Variants in ZNF212 observed in about 807,000 individuals in gnomAD.
ZNF212 encodes zinc finger protein 212, also known as Zinc finger protein C2H2-150.
ZNF212 carries 32 observed loss-of-function variants against 47.3 expected under a neutral mutation model. The ratio of observed to expected loss-of-function variants is 0.68; its 90% CI spans 0.51 to 0.91. ZNF212 has a LOEUF of 0.91. Among genes scored for constraint, ZNF212 ranks in the 40% least tolerant of loss-of-function variants. The pLI is 0.00. For missense variants in ZNF212, 555 were observed against 622.8 expected (o/e 0.89, Z 1.16); for synonymous variants, 242 against 253.8 (o/e 0.95, Z 0.44).
intron 1 of ZNF212, among the ~76,000 whole-genome samples, chr7:149,249,368 G>A (rs549445293): frequency 5.2e-4 from 79 of 152,176 alleles, no homozygotes; most frequent in African/African-American, 1.5e-3. Flanking sequence ...GTTTTCAAAC[G>A]GGTGACATGA....
In ZNF212 at chr7:149,254,007, A is replaced by C; in HGVS notation, c.1080A>C (p.Lys360Asn). 6.2e-7 allele frequency: 1 copy of C among 1,613,476 alleles called. No individual in the cohort carries two copies. The highest frequency in any genetic ancestry group is 8.5e-7 in the Non-Finnish European group (1 of 1,179,602). ...GCCTTAGGCCCAGGCCACGGCTGAA[A>C]CCACAGACCAAAAAGGCCAAGCTGC... is the stretch of plus-strand genomic sequence containing the variant. ...EESLRPRPRL[K>N]PQTKKAKLHQ... Residue 360 changes from lysine to asparagine, a missense_variant, in exon 5 of 5, where the codon AAA (lysine) becomes AAC (asparagine). Lys to Asn is a moderately conservative substitution (Grantham distance 94). Transcript: ENST00000335870. The surrounding 1 kb of genome is among the most constrained non-coding windows in gnomAD (Gnocchi z 4.5).
Position 149,253,968 on chromosome 7 carries a change from G to A in ZNF212, c.1041G>A (p.Glu347=). The A allele has an allele frequency of 1.2e-6, 2 of 1,614,006 alleles. No homozygotes were observed. Among genetic ancestry groups the A allele is most frequent in the Non-Finnish European group, 1.7e-6 (2 of 1,179,972 alleles). Reference sequence around the variant, plus strand: ...CTGGGTGGGGGTCTTGTACACCTGAGGAGCCAGAGGAGAGCCTTAGGCCCA... The same window carrying A: ...CTGGGTGGGGGTCTTGTACACCTGAAGAGCCAGAGGAGAGCCTTAGGCCCA... The part of the protein sequence containing the change: ...SHSGWGSCTP[E]EPEESLRPRP... The change falls in exon 5 of 5, where the codon GAG becomes GAA. Residue 347 remains glutamate, a synonymous_variant. Transcript: ENST00000335870.
chr7:149,251,436 G>T (rs1331206068), intron 3 of ZNF212: 1 of 148,654 alleles, frequency 6.7e-6, no homozygotes, highest in Non-Finnish European at 1.5e-5. Context: ...GCCCACCTCA[G>T]CCCCCCAAAG....
Position 149,239,713 on chromosome 7 carries a change from G to T in ZNF212, c.-66G>T. On this transcript the variant is annotated 5_prime_UTR_variant, in exon 1 of 5. Transcript: ENST00000335870. ...GGCTTCCAACAGGCTCTGGGGCGCC[G>T]AGCGGACAGGAACGCAGCACGGGGG... 2 of 1,282,120 alleles carry T rather than the reference G, an allele frequency of 1.6e-6. No homozygotes were observed. The highest frequency in any genetic ancestry group is 2.0e-6 in the Non-Finnish European group (2 of 1,009,396). 79.4% of individuals were successfully genotyped at this position (1,282,120 alleles called of 1,614,324 possible).
chr7:149,239,797 G>C lies in ZNF212; in HGVS notation c.19G>C (p.Ala7Pro). The C allele has an allele frequency of 7.8e-7, 1 of 1,274,336 alleles. No homozygotes were observed. The highest frequency in any genetic ancestry group is 1.0e-6 in the Non-Finnish European group (1 of 1,002,496). 78.9% of individuals were successfully genotyped at this position (1,274,336 alleles called of 1,614,324 possible). ...TGGAGCCATGGCGGAGTCGGCGCCTGCTCGGGTAAAGAGGCACCGGCGCGC... is the reference window on the plus strand; with the variant it reads ...TGGAGCCATGGCGGAGTCGGCGCCTCCTCGGGTAAAGAGGCACCGGCGCGC... Reference protein sequence around the residue: MAESAPARHRRKRRSTP... With the variant: MAESAPPRHRRKRRSTP... Residue 7 changes from alanine (A) to proline (P), a missense_variant, in exon 1 of 5, where the codon GCT becomes CCT. Ala to Pro is a conservative substitution (Grantham distance 27). Transcript: ENST00000335870.
chr7:149,250,219 G>A lies in ZNF212; in HGVS notation c.85G>A (p.Glu29Lys). 1.3e-6 allele frequency: 2 copies of A among 1,583,736 alleles called. No individual in the cohort carries two copies. The highest frequency in any genetic ancestry group is 1.7e-6 in the Non-Finnish European group (2 of 1,165,002). The stretch of plus-strand genomic sequence containing the variant: ...TTCCACACTTCCTTCACAAGCAACA[G>A]AGAAAAGCTCCTATTTTCAGACCAC... ...TSSTLPSQAT[E>K]KSSYFQTTEI... The change falls in exon 2 of 5, where the codon GAG (glutamate) becomes AAG (lysine). Residue 29 changes from glutamate to lysine, a missense_variant. By Grantham distance (56) the Glu-to-Lys change is moderately conservative. Coordinates refer to ENST00000335870, the MANE Select transcript of ZNF212 (RefSeq NM_012256.4).
In ZNF212 at chr7:149,254,062, A is replaced by G; in HGVS notation, c.1135A>G (p.Ser379Gly). Residue 379 changes from serine to glycine, a missense_variant, in exon 5 of 5, where the codon AGC becomes GGC. Physicochemically the swap from Ser to Gly is moderately conservative, Grantham distance 56. Transcript: ENST00000335870. The surrounding 1 kb of genome is among the most constrained non-coding windows in gnomAD (Gnocchi z 4.5). ...HQCDVCLRSFSCKVSLVTHQR... is the reference protein window; with the variant it reads ...HQCDVCLRSFGCKVSLVTHQR... ...GTGTGATGTGTGCCTGAGGAGCTTCAGCTGCAAGGTGAGCCTGGTGACCCA... is the reference window on the plus strand; with the variant it reads ...GTGTGATGTGTGCCTGAGGAGCTTCGGCTGCAAGGTGAGCCTGGTGACCCA... The G allele has an allele frequency of 6.2e-7, 1 of 1,612,680 alleles. No individual in the cohort carries two copies. The highest frequency in any genetic ancestry group is 2.2e-5 in the East Asian group (1 of 44,846).
intron 1 of ZNF212, among the ~76,000 whole-genome samples, chr7:149,240,823 G>A (rs1284222679): frequency 6.6e-6 from 1 of 152,332 alleles, no homozygotes; most frequent in Admixed American, 6.5e-5. Context: ...ATTTGACCAT[G>A]AGCAGGGTGC....
chr7:149,245,012 G>C (rs967193123), intron 1 of ZNF212, among the ~76,000 whole-genome samples: 1 of 152,166 alleles, frequency 6.6e-6, no homozygotes, highest in Non-Finnish European at 1.5e-5. Context: ...GGTTGGAATA[G>C]ATACCTAGGG....
intron 1 of ZNF212, among the ~76,000 whole-genome samples, chr7:149,241,108 C>T (rs1389682981): frequency 6.6e-6 from 1 of 152,142 alleles, no homozygotes; most frequent in African/African-American, 2.4e-5. Flanking sequence ...ACCTACATGT[C>T]GTCAGTAGAC....
intron 1 of ZNF212, among the ~76,000 whole-genome samples, chr7:149,242,021 C>CTTTTTTTTTTT (rs34883587): frequency 5.8e-5 from 7 of 121,344 alleles, no homozygotes; most frequent in Non-Finnish European, 1.0e-4. Context: ...CTTTTCTTTT[C>CTTTTTTTTTTT]TTTTTTTTTT....
Position 149,250,242 on chromosome 7 carries a change from C to A in ZNF212, c.108C>A (p.Thr36=). 2.5e-6 allele frequency: 4 copies of A among 1,604,022 alleles called. No individual in the cohort carries two copies. The highest frequency in any genetic ancestry group is 3.4e-6 in the Non-Finnish European group (4 of 1,174,984). The part of the protein sequence containing the change: ...QATEKSSYFQ[T]TEISLWTVVA... ...CAGAGAAAAGCTCCTATTTTCAGAC[C>A]ACCGAGATTTCACTCTGGACGGTGG... Residue 36 remains threonine, a synonymous_variant, in exon 2 of 5, where the codon ACC becomes ACA. Transcript: ENST00000335870.
At chr7:149,250,073 T>TTTA (rs1282423744) in intron 1 of ZNF212, 86 bp from the exon 2 acceptor site, 2 of 1,285,276 alleles carry the variant, frequency 1.6e-6, no homozygotes, top group South Asian at 5.5e-5. Context: ...AGAAACTAGA[T>TTTA]AACTCTGAGC....
rs1253245786 is a variant in ZNF212, at chr7:149,250,824, TC to T, written c.541+20del. 6.2e-7 allele frequency: 1 copy of T among 1,613,866 alleles called. No homozygotes were observed. Among genetic ancestry groups the T allele is most frequent in the Non-Finnish European group, 8.5e-7 (1 of 1,179,942 alleles). On this transcript the variant is annotated intron_variant, in intron 3 of 4. Transcript: ENST00000335870. ...TCTCTCTGAGTGAGTAGCAGTTTTC[TC>T]CCTAGAATTCTGTCTCAGACATACT...
chr7:149,242,808 G>A (rs1201744309), intron 1 of ZNF212, among the ~76,000 whole-genome samples: 1 of 152,122 alleles, frequency 6.6e-6, no homozygotes, highest in African/African-American at 2.4e-5. Context: ...GTGTTTAAAG[G>A]GCTTTGTTAA....
At chr7:149,249,153 T>G (rs1222593756) in intron 1 of ZNF212, among the ~76,000 whole-genome samples, 1 of 152,244 alleles carries the variant, frequency 6.6e-6, no homozygotes, top group Non-Finnish European at 1.5e-5. Flanking sequence ...TTTTAGCTTC[T>G]ATGACAGTGA....
At position 149,252,691 on chromosome 7, in the gene ZNF212, C is replaced by A. The variant is rs1563189523; in HGVS notation, c.542-15C>A. On this transcript the variant is annotated splice_polypyrimidine_tract_variant and intron_variant, in intron 3 of 4. Transcript: ENST00000335870. The stretch of plus-strand genomic sequence containing the variant: ...CACTCTCTCCTGGGCTCACACTGTG[C>A]TGTTTCCCACCCAGAGGTCCTTGGC... 1 of 1,613,340 alleles carries A rather than the reference C, an allele frequency of 6.2e-7. No homozygotes were observed. Among genetic ancestry groups the A allele is most frequent in the Non-Finnish European group, 8.5e-7 (1 of 1,179,488 alleles).
Position 149,255,552 on chromosome 7 carries a change from G to A in ZNF212, c.*1137G>A, listed in dbSNP as rs1380347180. On this transcript the variant is annotated 3_prime_UTR_variant, in exon 5 of 5. Coordinates refer to ENST00000335870, the MANE Select transcript of ZNF212 (RefSeq NM_012256.4). ...GGGGTCATATGTGAACATCCCCTTGGATGATTTGCGGTTGCTTAGAATAAA... is the reference window on the plus strand; with the variant it reads ...GGGGTCATATGTGAACATCCCCTTGAATGATTTGCGGTTGCTTAGAATAAA... 6.5e-6 allele frequency: 1 copy of A among 153,466 alleles called. No individual in the cohort carries two copies. Among genetic ancestry groups the A allele is most frequent in the Non-Finnish European group, 1.5e-5 (1 of 68,012 alleles). 9.5% of individuals were successfully genotyped at this position (153,466 alleles called of 1,614,324 possible). A position where few individuals can be genotyped will look rare whatever the true frequency, so the allele number is the denominator to read the frequency against.
chr7:149,242,652 A>G (rs892128309), intron 1 of ZNF212, among the ~76,000 whole-genome samples: 4 of 152,220 alleles, frequency 2.6e-5, no homozygotes, highest in African/African-American at 7.2e-5. Flanking sequence ...GTCTGAAAAT[A>G]TGAGAAGATG....
Sources: gnomAD v4.1 joint callset for allele counts (sites outside exome capture counted in the v4.1 genomes callset) on GRCh38, gnomAD v4.1.1 for gene constraint, Gnocchi (gnomAD v3.1) non-coding constraint, MANE v1.5 for transcripts, NCBI Gene and HGNC (gene_info 2026-07-23, HGNC 2026-07-21) for gene names.